MYO1G: variants seen among roughly 807,000 people sequenced by gnomAD.
MYO1G encodes unconventional myosin-Ig.
A neutral mutation model predicts 115.3 loss-of-function variants in MYO1G; 65 were observed. The ratio of observed to expected loss-of-function variants is 0.56; its 90% CI spans 0.46 to 0.69. The LOEUF (loss-of-function observed/expected upper bound fraction) is 0.69, where lower values mean the gene tolerates loss of function less well. MYO1G is among the 30% of genes least tolerant of loss of function. The pLI is 0.00. For synonymous variants in MYO1G, 510 were observed against 552.6 expected (o/e 0.92, Z 1.08); for missense variants, 1,204 against 1,393.5 (o/e 0.86, Z 2.16).
intron 2 of MYO1G, 101 bp downstream of exon 2, chr7:44,976,761 GC>G: frequency 6.4e-7 from 1 of 1,569,470 alleles, no homozygotes; most frequent in Non-Finnish European, 8.7e-7. Context: ...GGGTCCTAGG[GC>G]CCCCATCAGG....
At position 44,978,080 on chromosome 7, in the gene MYO1G, G is replaced by A. The variant is rs569942617; in HGVS notation, c.95+787C>T. Among the ~76,000 whole-genome samples, 5 of 152,284 alleles carry A rather than the reference G, an allele frequency of 3.3e-5. No individual in the cohort carries two copies. The East Asian group carries it at 5.8e-4, about 18-fold the overall frequency. ...TAGCCCTCCTCTTTGAGCCAGGCTCGTGGTCTCTTGCCTTCGGTGCTTAGT... is the reference window on the plus strand; with the variant it reads ...TAGCCCTCCTCTTTGAGCCAGGCTCATGGTCTCTTGCCTTCGGTGCTTAGT... On this transcript the variant is annotated intron_variant, in intron 1 of 21. Transcript: ENST00000258787.
At chr7:44,977,819 G>T (rs1004703143) in intron 1 of MYO1G, among the ~76,000 whole-genome samples, 6 of 151,972 alleles carry the variant, frequency 3.9e-5, no homozygotes, top group Non-Finnish European at 7.4e-5. Flanking sequence ...CCTGTCTCCC[G>T]GCAGCCTGTC....
chr7:44,972,619 C>A, intron 5 of MYO1G: 1 of 237,064 alleles, frequency 4.2e-6, no homozygotes, highest in African/African-American at 2.3e-5. Flanking sequence ...AGTTTGTGGA[C>A]AAACTGCAGA....
chr7:44,976,706 G>A, intron 2 of MYO1G, 49 bp from the exon 3 acceptor site: 1 of 1,610,100 alleles, frequency 6.2e-7, no homozygotes, highest in Non-Finnish European at 8.5e-7. Flanking sequence ...CGCTCTCTTA[G>A]CCCAGCTCCC....
chr7:44,969,635 T>C lies in MYO1G; in HGVS notation c.1503+70A>G, dbSNP rs998806435. The C allele has an allele frequency of 1.1e-5, 18 of 1,588,082 alleles. 1 individual carries two copies. The South Asian group carries it at 2.0e-4, about 18-fold the overall frequency. ...GTCCCCAACCAGGCCCCACGAGGCA[T>C]GGGCAGCATGGTGCCTGTGGGGCAG... On this transcript the variant is annotated intron_variant, in intron 11 of 21. Coordinates refer to ENST00000258787, the MANE Select transcript of MYO1G (RefSeq NM_033054.3). The surrounding 1 kb of genome is among the most constrained non-coding windows in gnomAD (Gnocchi z 5.0).
Position 44,965,661 on chromosome 7 carries a change from T to C in MYO1G, c.2357A>G (p.Asp786Gly), listed in dbSNP as rs774503919. ...LPPAVLQPFQ[D>G]TCHALFCRWR... The stretch of plus-strand genomic sequence containing the variant: ...CCTGCAGAAGAGTGCGTGGCAGGTG[T>C]CCTGGAAGGGCTGCAGCACAGCAGG... The change falls in exon 17 of 22, where the codon GAC (aspartate) becomes GGC (glycine). Residue 786 changes from aspartate (D) to glycine (G), a missense_variant. By Grantham distance (94) the Asp-to-Gly change is moderately conservative (BLOSUM62 -1). Transcript: ENST00000258787. 3 of 1,613,564 alleles carry C rather than the reference T, an allele frequency of 1.9e-6. No individual in the cohort carries two copies. Among genetic ancestry groups the C allele is most frequent in the Non-Finnish European group, 1.7e-6 (2 of 1,179,866 alleles).
Position 44,969,009 on chromosome 7 carries a change from C to T in MYO1G, c.1574+404G>A, listed in dbSNP as rs753129572. 1 of 204,708 alleles carries T rather than the reference C, an allele frequency of 4.9e-6. No individual in the cohort carries two copies. Among genetic ancestry groups the T allele is most frequent in the Non-Finnish European group, 1.0e-5 (1 of 98,512 alleles). The allele number at this position is 204,708 out of a possible 1,614,324, so 12.7% of individuals were successfully genotyped here. ...GACACCTGGGCTTTGGCACTGGGAGCGTGGTCCAAGTATGGTAGCGAGGCC... is the reference window on the plus strand; with the variant it reads ...GACACCTGGGCTTTGGCACTGGGAGTGTGGTCCAAGTATGGTAGCGAGGCC... On this transcript the variant is annotated intron_variant, in intron 12 of 21. Coordinates refer to ENST00000258787, the MANE Select transcript of MYO1G (RefSeq NM_033054.3). This position sits in a 1 kb window ranked among gnomAD's most constrained non-coding sequence, Gnocchi z 5.0.
rs749098280 is a variant in MYO1G, at chr7:44,965,754, A to T, written c.2264T>A (p.Leu755Gln). 3 of 1,609,634 alleles carry T rather than the reference A, an allele frequency of 1.9e-6. No individual in the cohort carries two copies. The Admixed American group carries it at 5.0e-5, about 27-fold the overall frequency. The change falls in exon 17 of 22, where the codon CTG becomes CAG. Residue 755 changes from leucine (L) to glutamine (Q), a missense_variant. Coordinates refer to ENST00000258787, the MANE Select transcript of MYO1G (RefSeq NM_033054.3). ...RHKVRAHLAE[L>Q]QRRFQAARQP... Reference sequence around the variant, plus strand: ...CCTTGCAGCCTGGAATCGCCGCTGCAGCTCAGCCAGGTGAGCCCGCACCTT... The same window carrying T: ...CCTTGCAGCCTGGAATCGCCGCTGCTGCTCAGCCAGGTGAGCCCGCACCTT...
rs1485703100 is a variant in MYO1G, at chr7:44,962,828, G to A, written c.2968C>T (p.Leu990Phe). The change falls in exon 22 of 22, where the codon CTC (leucine) becomes TTC (phenylalanine). Residue 990 changes from leucine (L) to phenylalanine (F), a missense_variant. Coordinates refer to ENST00000258787, the MANE Select transcript of MYO1G (RefSeq NM_033054.3). The surrounding 1 kb of genome is among the most constrained non-coding windows in gnomAD (Gnocchi z 5.3). The stretch of plus-strand genomic sequence containing the variant: ...TCCGGCCTGGGCTCCACGGAGATGA[G>A]GCGCCGGACCCCGCGATGGCTTAGT... ...IPLSHRGVRR[L>F]ISVEPRPEQP... 6.6e-7 allele frequency: 1 copy of A among 1,518,766 alleles called. No homozygotes were observed. Among genetic ancestry groups the A allele is most frequent in the East Asian group, 2.6e-5 (1 of 38,228 alleles). 94.1% of individuals were successfully genotyped at this position (1,518,766 alleles called of 1,614,324 possible).
In MYO1G at chr7:44,964,333, A is replaced by G. The variant is rs1794800768; in HGVS notation, c.2631+82T>C. The G allele has an allele frequency of 2.8e-6, 4 of 1,452,180 alleles. No individual in the cohort carries two copies. Among genetic ancestry groups the G allele is most frequent in the East Asian group, 2.3e-5 (1 of 43,816 alleles). 90.0% of individuals were successfully genotyped at this position (1,452,180 alleles called of 1,614,324 possible). A position where few individuals can be genotyped will look rare whatever the true frequency, so the allele number is the denominator to read the frequency against. ...CCATTTTCTCCCAAGTGCCCCCCCA[A>G]AACTCTGCACCAGCTTCTAACCTTG... On this transcript the variant is annotated intron_variant, in intron 19 of 21. Transcript: ENST00000258787. This position sits in a 1 kb window ranked among gnomAD's most constrained non-coding sequence, Gnocchi z 5.1.
chr7:44,970,501 C>T (rs1562830741), intron 9 of MYO1G, 91 bp downstream of exon 9: 3 of 1,542,022 alleles, frequency 1.9e-6, no homozygotes, highest in Non-Finnish European at 2.6e-6. Flanking sequence ...CCCCAACATT[C>T]CTGCTGCCCA....
intron 5 of MYO1G, chr7:44,974,933 G>A (rs2128702831): frequency 3.4e-6 from 2 of 584,132 alleles, no homozygotes; most frequent in Admixed American, 2.9e-5. Context: ...CTCATCTGGA[G>A]GTGTCTCAGA....
At position 44,966,025 on chromosome 7, in the gene MYO1G, G is replaced by A. The variant is rs1263619355; in HGVS notation, c.2157+48C>T. 20 of 1,594,092 alleles carry A rather than the reference G, an allele frequency of 1.3e-5. No individual in the cohort carries two copies. Among genetic ancestry groups the A allele is most frequent in the Non-Finnish European group, 1.6e-5 (19 of 1,171,576 alleles). On this transcript the variant is annotated intron_variant, in intron 16 of 21. Transcript: ENST00000258787. The surrounding 1 kb of genome is among the most constrained non-coding windows in gnomAD (Gnocchi z 5.0). The stretch of plus-strand genomic sequence containing the variant: ...TGTGTTTGTGGCCCCTGGGACACAA[G>A]CTTTCCCCACCTCCATAGTGGATGT...
chr7:44,963,686 T>G lies in MYO1G; in HGVS notation c.2745+363A>C. On this transcript the variant is annotated intron_variant, in intron 20 of 21. Coordinates refer to ENST00000258787, the MANE Select transcript of MYO1G (RefSeq NM_033054.3). This position sits in a 1 kb window ranked among gnomAD's most constrained non-coding sequence, Gnocchi z 4.1. ...CAGAGCTCGGCAGAAGGTTCCGGAG[T>G]GGCCGGGACGGTATCCCACAGGAGG... The G allele has an allele frequency of 4.1e-6, 1 of 243,008 alleles. No individual in the cohort carries two copies. The allele number at this position is 243,008 out of a possible 1,614,324, so 15.1% of individuals were successfully genotyped here.
Position 44,963,828 on chromosome 7 carries a change from G to T in MYO1G, c.2745+221C>A, listed in dbSNP as rs908857335. On this transcript the variant is annotated intron_variant, in intron 20 of 21. Transcript: ENST00000258787. This position sits in a 1 kb window ranked among gnomAD's most constrained non-coding sequence, Gnocchi z 4.1. ...TGGCTAGAGTGTGAGAGTGGGGGTG[G>T]GGGGTGACTGGGCTGGTGGGGATCA... The T allele has an allele frequency of 7.2e-6, 4 of 555,676 alleles. No homozygotes were observed. The East Asian group carries it at 1.2e-4, about 17-fold the overall frequency. 34.4% of individuals were successfully genotyped at this position (555,676 alleles called of 1,614,324 possible). A position where few individuals can be genotyped will look rare whatever the true frequency, so the allele number is the denominator to read the frequency against.
chr7:44,964,206 C>T lies in MYO1G; in HGVS notation c.2632-44G>A, dbSNP rs1256060225. On this transcript the variant is annotated intron_variant, in intron 19 of 21. Coordinates refer to ENST00000258787, the MANE Select transcript of MYO1G (RefSeq NM_033054.3). The surrounding 1 kb of genome is among the most constrained non-coding windows in gnomAD (Gnocchi z 5.1). ...GACCCAGGCTGGTGCTGCCCTGTCA[C>T]CCACCAGGGCCCCAGGCTTCGGCAG... The T allele has an allele frequency of 1.3e-6, 2 of 1,506,934 alleles. No homozygotes were observed. Among genetic ancestry groups the T allele is most frequent in the African/African-American group, 1.4e-5 (1 of 72,600 alleles). 93.3% of individuals were successfully genotyped at this position (1,506,934 alleles called of 1,614,324 possible).
intron 3 of MYO1G, 62 bp downstream of exon 3, chr7:44,976,502 C>G: frequency 6.6e-7 from 1 of 1,518,122 alleles, no homozygotes; most frequent in Non-Finnish European, 9.1e-7. Context: ...GCCAGCCCTT[C>G]CTGCCACACT....
At position 44,967,585 on chromosome 7, in the gene MYO1G, G is replaced by A; in HGVS notation, c.1782+20C>T. On this transcript the variant is annotated intron_variant, in intron 14 of 21. Transcript: ENST00000258787. ...GAGAAGGATCCGGAACAGCCAGAGTGGGAGAGGGGTGGAACATACCTTGGA... is the reference window on the plus strand; with the variant it reads ...GAGAAGGATCCGGAACAGCCAGAGTAGGAGAGGGGTGGAACATACCTTGGA... The A allele has an allele frequency of 6.2e-7, 1 of 1,613,588 alleles. No homozygotes were observed. The highest frequency in any genetic ancestry group is 8.5e-7 in the Non-Finnish European group (1 of 1,179,896).
chr7:44,978,917 C>A lies in MYO1G; in HGVS notation c.45G>T (p.Val15=). Residue 15 remains valine, a synonymous_variant, in exon 1 of 22, where the codon GTG becomes GTT. Transcript: ENST00000258787. ...EGPEYGKPDF[V]LLDQVTMEDF... The stretch of plus-strand genomic sequence containing the variant: ...CCTCCATGGTCACTTGGTCCAAAAG[C>A]ACAAAGTCAGGTTTGCCATACTCAG... The A allele has an allele frequency of 6.2e-7, 1 of 1,614,196 alleles. No homozygotes were observed. Among genetic ancestry groups the A allele is most frequent in the Non-Finnish European group, 8.5e-7 (1 of 1,180,010 alleles).
Sources: allele counts gnomAD v4.1 joint callset (sites outside exome capture counted in the v4.1 genomes callset), GRCh38; gene constraint gnomAD v4.1.1; non-coding constraint Gnocchi (gnomAD v3.1); transcripts MANE v1.5; gene names NCBI Gene and HGNC (gene_info 2026-07-23, HGNC 2026-07-21).